The following UBE2D2 variants were observed in gnomAD, a reference collection of about 807,000 sequenced individuals.
UBE2D2 encodes ubiquitin-conjugating enzyme E2 D2.
A neutral mutation model predicts 24.2 loss-of-function variants in UBE2D2; 2 were observed. The observed-to-expected ratio is 0.08, with a 90% CI of 0.03 to 0.26. UBE2D2 has a LOEUF of 0.26. UBE2D2 is among the 10% of genes least tolerant of loss of function. The pLI is 1.00. For missense variants in UBE2D2, 44 were observed against 177.6 expected, an observed-to-expected ratio of 0.25 and a Z score of 4.28; for synonymous variants, 58 against 56.5, an observed-to-expected ratio of 1.03 and a Z score of -0.12.
At chr5:139,536,232 T>C (rs1383915116) in intron 1 of UBE2D2, among the ~76,000 whole-genome samples, 2 of 152,052 alleles carry the variant, frequency 1.3e-5, no homozygotes, top group African/African-American at 4.8e-5. Flanking sequence ...CCGGAGTAGC[T>C]GGGATTACAG....
At chr5:139,590,452 A>T (rs1753819609) in intron 1 of UBE2D2, among the ~76,000 whole-genome samples, 1 of 151,768 alleles carries the variant, frequency 6.6e-6, no homozygotes, top group South Asian at 2.1e-4. Context: ...ATAAAAAAAA[A>T]AAAAAGAAAG....
rs1021595594 is a variant in UBE2D2, at chr5:139,590,883, C to A, written c.25-9489C>A. Among the ~76,000 whole-genome samples the A allele has an allele frequency of 4.7e-5, 7 of 147,720 alleles. No homozygotes were observed. In the Admixed American group the frequency reaches 4.8e-4, roughly 10 times the overall value. ...GATCTTGGCTCATTGCAATGTCCGC[C>A]TCCCGGGTTCCAGTGATTCTTCTGC... On this transcript the variant is annotated intron_variant, in intron 1 of 6. Coordinates refer to ENST00000398733, the MANE Select transcript of UBE2D2 (RefSeq NM_003339.3).
chr5:139,610,586 G>C (rs945303760), intron 2 of UBE2D2, among the ~76,000 whole-genome samples: 13 of 149,312 alleles, frequency 8.7e-5, no homozygotes, highest in African/African-American at 3.2e-4. Context: ...AAAAAATCCA[G>C]GAGGGTCTGG....
chr5:139,561,865 G>C, intron 1 of UBE2D2, 50 bp downstream of exon 1: 1 of 1,446,282 alleles, frequency 6.9e-7, no homozygotes, highest in Non-Finnish European at 9.0e-7. Context: ...GCAGGCTGCG[G>C]CCTGCACTTC....
chr5:139,619,638 C>CAT (rs1293734756), intron 5 of UBE2D2, among the ~76,000 whole-genome samples: 3 of 152,038 alleles, frequency 2.0e-5, no homozygotes, highest in African/African-American at 4.8e-5. Context: ...CCGAGATGCG[C>CAT]AGATCACTGA....
At chr5:139,587,446 C>T (rs753115102) in intron 1 of UBE2D2, among the ~76,000 whole-genome samples, 4 of 151,872 alleles carry the variant, frequency 2.6e-5, no homozygotes, top group Non-Finnish European at 5.9e-5. Context: ...TTTGGGAGGC[C>T]GAGATGGGCA....
intron 1 of UBE2D2, among the ~76,000 whole-genome samples, chr5:139,577,482 C>T (rs569803196): frequency 7.0e-6 from 1 of 142,476 alleles, no homozygotes; most frequent in South Asian, 2.2e-4. Flanking sequence ...GGGGTGATCT[C>T]GGCTCACTGC....
At chr5:139,532,259 A>C (rs1581477541) in intron 1 of UBE2D2, among the ~76,000 whole-genome samples, 2 of 131,462 alleles carry the variant, frequency 1.5e-5, no homozygotes, top group South Asian at 2.4e-4. Flanking sequence ...ACTGCAATCG[A>C]CCTCCACCTC....
At chr5:139,536,953 G>A (rs896685122) in intron 1 of UBE2D2, among the ~76,000 whole-genome samples, 3 of 152,130 alleles carry the variant, frequency 2.0e-5, no homozygotes, top group Non-Finnish European at 4.4e-5. Context: ...GCCAAGGCGG[G>A]CGGAACACGA....
chr5:139,562,952 C>T (rs1256406633), intron 1 of UBE2D2, among the ~76,000 whole-genome samples: 1 of 151,942 alleles, frequency 6.6e-6, no homozygotes, highest in Non-Finnish European at 1.5e-5. Flanking sequence ...CATCTTTTTC[C>T]TTTTAGTGGA....
intron 1 of UBE2D2, among the ~76,000 whole-genome samples, chr5:139,534,694 C>T (rs1365189124): frequency 1.3e-5 from 2 of 151,690 alleles, no homozygotes; most frequent in African/African-American, 2.4e-5. Context: ...AGAGATCATG[C>T]CATTGCACTC....
intron 1 of UBE2D2, among the ~76,000 whole-genome samples, chr5:139,534,307 C>T (rs577515149): frequency 1.3e-5 from 2 of 152,102 alleles, no homozygotes; most frequent in African/African-American, 4.8e-5. Flanking sequence ...TGGCTCACGC[C>T]TGTAATCCCA....
At chr5:139,535,889 A>T (rs549817059) in intron 1 of UBE2D2, among the ~76,000 whole-genome samples, 1 of 151,552 alleles carries the variant, frequency 6.6e-6, no homozygotes, top group Admixed American at 6.6e-5. Flanking sequence ...ACTTGTTTAC[A>T]TTTTTTTCTT....
At position 139,565,019 on chromosome 5, in the gene UBE2D2, G is replaced by A. The variant is rs41393145; in HGVS notation, c.24+3204G>A. Among the ~76,000 whole-genome samples the A allele has an allele frequency of 6.2e-3, 943 of 152,162 alleles. 15 individuals are homozygous for A. The highest frequency in any genetic ancestry group is 0.02 in the African/African-American group (811 of 41,498). ...CTATCTTATCTTCTGTCCTAGTAAT[G>A]TGTCTGCAGTGGAATCCCCATTGCT... On this transcript the variant is annotated intron_variant, in intron 1 of 6. Coordinates refer to ENST00000398733, the MANE Select transcript of UBE2D2 (RefSeq NM_003339.3).
rs1024434217 is a variant in UBE2D2, at chr5:139,561,501, A to G, written c.-291A>G. ...GCGGAGGGATCTGCGGCGGTTTAGG[A>G]GGCGGCGCTGATCCTGGGAGGAAGA... On this transcript the variant is annotated 5_prime_UTR_variant, in exon 1 of 7. Coordinates refer to ENST00000398733, the MANE Select transcript of UBE2D2 (RefSeq NM_003339.3). The G allele has an allele frequency of 3.1e-5, 12 of 387,130 alleles. No individual in the cohort carries two copies. The highest frequency in any genetic ancestry group is 1.4e-3 in the Middle Eastern group (2 of 1,478). The allele number at this position is 387,130 out of a possible 1,614,324, so 24.0% of individuals were successfully genotyped here. A position where few individuals can be genotyped will look rare whatever the true frequency, so the allele number is the denominator to read the frequency against.
chr5:139,539,624 G>A (rs867872812), intron 1 of UBE2D2, among the ~76,000 whole-genome samples: 10 of 151,578 alleles, frequency 6.6e-5, no homozygotes, highest in South Asian at 2.1e-4. Context: ...CGGGATCACC[G>A]TCTGTCACCC....
intron 1 of UBE2D2, among the ~76,000 whole-genome samples, chr5:139,552,068 C>T (rs1752926648): frequency 6.6e-6 from 1 of 152,022 alleles, no homozygotes; most frequent in African/African-American, 2.4e-5. Context: ...ACTGTTCCCA[C>T]TTTTGGCCAT....
intron 5 of UBE2D2, among the ~76,000 whole-genome samples, chr5:139,617,533 C>T (rs896190409): frequency 1.3e-4 from 19 of 151,534 alleles, no homozygotes; most frequent in Admixed American, 8.5e-4. Flanking sequence ...CCCACCACCA[C>T]GCCTGGCTAA....
At chr5:139,571,753 C>T (rs902154099) in intron 1 of UBE2D2, among the ~76,000 whole-genome samples, 1 of 151,504 alleles carries the variant, frequency 6.6e-6, no homozygotes, top group African/African-American at 2.4e-5. Flanking sequence ...TTCCCTCTTT[C>T]CTTCCTTCTC....
Sources: gnomAD v4.1 joint callset for allele counts (sites outside exome capture counted in the v4.1 genomes callset) on GRCh38, gnomAD v4.1.1 for gene constraint, MANE v1.5 for transcripts, NCBI Gene and HGNC (gene_info 2026-07-23, HGNC 2026-07-21) for gene names.